The following NME8 variants were observed in gnomAD, a reference collection of about 807,000 sequenced individuals.
NME8 encodes the protein NME/NM23 family member 8, also known as protein NME8.
Under a neutral mutation model 82.3 loss-of-function variants are expected in NME8, and 72 were observed. The ratio of observed to expected loss-of-function variants is 0.87; its 90% confidence interval spans 0.72 to 1.06. The LOEUF is 1.06. NME8 is among the 50% of genes least tolerant of loss of function. The pLI is 0.00. For missense variants in NME8, 712 were observed against 685.4 expected (o/e 1.04, Z -0.43); for synonymous variants, 267 against 228.5 (o/e 1.17, Z -1.52).
At chr7:37,849,305 C>T (rs1329218738) in intron 2 of NME8, among the ~76,000 whole-genome samples, 2 of 152,058 alleles carry the variant, frequency 1.3e-5, no homozygotes, top group African/African-American at 4.8e-5. Context: ...GAAAGATCCA[C>T]GGGCATGTTC....
At position 37,896,979 on chromosome 7, in the gene NME8, A is replaced by G. The variant is rs1785238851; in HGVS notation, c.1654A>G (p.Ile552Val). 1.2e-6 allele frequency: 2 copies of G among 1,613,772 alleles called. No individual in the cohort carries two copies. The highest frequency in any genetic ancestry group is 1.7e-5 in the Admixed American group (1 of 59,952). The change falls in exon 17 of 18, where the codon ATC becomes GTC. Residue 552 changes from isoleucine to valine, a missense_variant. Coordinates refer to ENST00000199447, the MANE Select transcript of NME8 (RefSeq NM_016616.5). ...EEAKLLSPDS[I>V]RAQFGISKLK... Reference sequence around the variant, plus strand: ...AGCAAAATTACTTTCCCCTGACTCCATCCGAGCCCAGTTTGGAATAAGTAA... The same window carrying G: ...AGCAAAATTACTTTCCCCTGACTCCGTCCGAGCCCAGTTTGGAATAAGTAA...
chr7:37,871,238 G>A (rs949310977), intron 11 of NME8, among the ~76,000 whole-genome samples: 3 of 152,140 alleles, frequency 2.0e-5, no homozygotes, highest in Admixed American at 6.5e-5. Flanking sequence ...CACATGCTGT[G>A]GGGAAACTCT....
intron 5 of NME8, among the ~76,000 whole-genome samples, chr7:37,856,928 C>A (rs1314849123): frequency 6.6e-6 from 1 of 151,956 alleles, no homozygotes; most frequent in Admixed American, 6.6e-5. Flanking sequence ...ACGTGCTGTG[C>A]AGAACGAGAG....
rs575872282 is a variant in NME8 at position 37,862,984 on chromosome 7, G to A, written c.388-412G>A. Among the ~76,000 whole-genome samples, 11 of 152,144 alleles carry A rather than the reference G, an allele frequency of 7.2e-5. No homozygotes were observed. The East Asian group carries it at 1.4e-3, about 19-fold the overall frequency. On this transcript the variant is annotated intron_variant, in intron 7 of 17. Transcript: ENST00000199447. ...AAAATACAAAAATTAGCCGGGCATGGTGGCAGGTGCCTGTAATCCCAGCTA... is the reference window on the plus strand; with the variant it reads ...AAAATACAAAAATTAGCCGGGCATGATGGCAGGTGCCTGTAATCCCAGCTA...
At chr7:37,887,448 G>A (rs1409039843) in intron 14 of NME8, among the ~76,000 whole-genome samples, 2 of 152,144 alleles carry the variant, frequency 1.3e-5, no homozygotes, top group African/African-American at 2.4e-5. Context: ...AATTTATTTA[G>A]AGTTCAATAC....
intron 12 of NME8, among the ~76,000 whole-genome samples, chr7:37,881,259 G>A (rs370987773): frequency 9.9e-5 from 15 of 152,082 alleles, no homozygotes; most frequent in African/African-American, 3.6e-4. Context: ...AAAGCATCTA[G>A]TTTCTTTCCA....
At chr7:37,893,570 G>C (rs909964047) in intron 15 of NME8, among the ~76,000 whole-genome samples, 1 of 151,934 alleles carries the variant, frequency 6.6e-6, no homozygotes. Context: ...TTCCCTACTT[G>C]TCCACTTGGT....
intron 6 of NME8, among the ~76,000 whole-genome samples, chr7:37,861,483 C>A (rs1446615970): frequency 6.6e-6 from 1 of 152,132 alleles, no homozygotes; most frequent in African/African-American, 2.4e-5. Context: ...GGGCTTTGCA[C>A]CACTCTTGGT....
At chr7:37,857,826 C>T (rs1784535146) in intron 6 of NME8, among the ~76,000 whole-genome samples, 1 of 152,162 alleles carries the variant, frequency 6.6e-6, no homozygotes, top group South Asian at 2.1e-4. Flanking sequence ...GTGTGAGGAA[C>T]AGGTGACTAA....
intron 5 of NME8, 40 bp from the exon 6 acceptor site, chr7:37,857,234 A>C: frequency 7.0e-7 from 1 of 1,424,564 alleles, no homozygotes; most frequent in Non-Finnish European, 9.8e-7. Flanking sequence ...ACTTGAATAT[A>C]GTTTTATTTA....
Position 37,848,905 on chromosome 7 carries a change from C to G in NME8, c.-159C>G, listed in dbSNP as rs1228091833. 6.6e-6 allele frequency: 1 copy of G among 152,264 alleles called. No homozygotes were observed. Among genetic ancestry groups the G allele is most frequent in the Non-Finnish European group, 1.5e-5 (1 of 68,108 alleles). 9.4% of individuals were successfully genotyped at this position (152,264 alleles called of 1,614,324 possible). A position where few individuals can be genotyped will look rare whatever the true frequency, so the allele number is the denominator to read the frequency against. The stretch of plus-strand genomic sequence containing the variant: ...GCAGGAGGCCTGCTAGCCTCAGCCT[C>G]GGGCCCTACCAGGGTCCTAGGTACT... On this transcript the variant is annotated 5_prime_UTR_variant, in exon 2 of 18. Transcript: ENST00000199447.
At chr7:37,876,711 G>T in intron 11 of NME8, 121 bp from the exon 12 acceptor site, 2 of 722,428 alleles carry the variant, frequency 2.8e-6, no homozygotes, top group African/African-American at 1.8e-5. Context: ...ATCTTTACAT[G>T]ACATTTAATT....
chr7:37,864,380 G>A lies in NME8; in HGVS notation c.487G>A (p.Asp163Asn). 2 of 1,590,338 alleles carry A rather than the reference G, an allele frequency of 1.3e-6. No homozygotes were observed. The highest frequency in any genetic ancestry group is 1.7e-6 in the Non-Finnish European group (2 of 1,161,666). Residue 163 changes from aspartate to asparagine, a missense_variant, in exon 9 of 18, where the codon GAT (aspartate) becomes AAT (asparagine). Transcript: ENST00000199447. ...ATACAGTATTGCTATTATCAAACCGGATGCTGTGATTAGTAAAAAAGTTCT... is the reference window on the plus strand; with the variant it reads ...ATACAGTATTGCTATTATCAAACCGAATGCTGTGATTAGTAAAAAAGTTCT... ...ELYSIAIIKP[D>N]AVISKKVLEI...
At chr7:37,857,410 T>A (rs1784527455) in intron 6 of NME8, 65 bp downstream of exon 6, 2 of 1,035,828 alleles carry the variant, frequency 1.9e-6, no homozygotes, top group African/African-American at 3.1e-5. Context: ...ACAAGTAACA[T>A]TGTAAAATTA....
At chr7:37,874,939 C>A (rs1346366164) in intron 11 of NME8, among the ~76,000 whole-genome samples, 1 of 152,030 alleles carries the variant, frequency 6.6e-6, no homozygotes, top group Non-Finnish European at 1.5e-5. Flanking sequence ...ATTAATATCA[C>A]CAATAATGGG....
intron 5 of NME8, among the ~76,000 whole-genome samples, chr7:37,852,326 G>A (rs939438943): frequency 2.6e-5 from 4 of 151,232 alleles, no homozygotes; most frequent in East Asian, 2.0e-4. Flanking sequence ...TTGTTACAAC[G>A]GATTAGCCTA....
Position 37,888,308 on chromosome 7 carries a change from C to T in NME8, c.1279C>T (p.Pro427Ser). 2 of 1,613,578 alleles carry T rather than the reference C, an allele frequency of 1.2e-6. No individual in the cohort carries two copies. Among genetic ancestry groups the T allele is most frequent in the South Asian group, 1.1e-5 (1 of 91,072 alleles). Residue 427 changes from proline to serine, a missense_variant, in exon 15 of 18, where the codon CCG becomes TCG. Physicochemically the swap from Pro to Ser is moderately conservative, Grantham distance 74. Transcript: ENST00000199447. ...TGCACAGTTTGCGATGGACAGTTTG[C>T]CGGTCAACCAGTTGTATGGCAGCGA... The part of the protein sequence containing the change: ...LCAQFAMDSL[P>S]VNQLYGSDSL...
chr7:37,888,322 G>T lies in NME8; in HGVS notation c.1293G>T (p.Leu431Phe). 4 of 1,613,604 alleles carry T rather than the reference G, an allele frequency of 2.5e-6. No individual in the cohort carries two copies. The highest frequency in any genetic ancestry group is 3.4e-6 in the Non-Finnish European group (4 of 1,179,660). ...TGGACAGTTTGCCGGTCAACCAGTTGTATGGCAGCGATTCATTAGAAACCG... is the reference window on the plus strand; with the variant it reads ...TGGACAGTTTGCCGGTCAACCAGTTTTATGGCAGCGATTCATTAGAAACCG... ...FAMDSLPVNQ[L>F]YGSDSLETAE... is the part of the protein sequence containing the mutation. Residue 431 changes from leucine to phenylalanine, a missense_variant, in exon 15 of 18, where the codon TTG (leucine) becomes TTT (phenylalanine). Transcript: ENST00000199447.
intron 10 of NME8, among the ~76,000 whole-genome samples, chr7:37,867,307 A>G (rs1291806755): frequency 6.6e-6 from 1 of 150,584 alleles, no homozygotes; most frequent in South Asian, 2.1e-4. Context: ...TTTTTTTTTA[A>G]TCTTTGTAGC....
Sources: allele counts gnomAD v4.1 joint callset (sites outside exome capture counted in the v4.1 genomes callset), GRCh38; gene constraint gnomAD v4.1.1; transcripts MANE v1.5; gene names NCBI Gene and HGNC (gene_info 2026-07-23, HGNC 2026-07-21).